The following HDAC9 variants were observed in gnomAD, a reference collection of about 807,000 sequenced individuals.
HDAC9 encodes histone deacetylase 9, also known as MEF-2 interacting transcription repressor (MITR) protein.
Under a neutral mutation model 139.4 loss-of-function variants are expected in HDAC9, and 41 were observed. The observed-to-expected ratio is 0.29, with a 90% confidence interval of 0.23 to 0.38. HDAC9 has a LOEUF of 0.38. HDAC9 is among the 10% of genes least tolerant of loss of function. The pLI, the probability that HDAC9 is intolerant of heterozygous loss-of-function variation, is 1.00. For missense variants in HDAC9, 1,147 were observed against 1,297.0 expected (o/e 0.88, Z 1.78); for synonymous variants, 517 against 476.2 (o/e 1.09, Z -1.12).
chr7:18,184,263 C>T (rs191711640), intron 2 of HDAC9, among the ~76,000 whole-genome samples: 6 of 152,092 alleles, frequency 3.9e-5, no homozygotes, highest in Non-Finnish European at 7.4e-5. Flanking sequence ...CTGAGCGTTG[C>T]GGCACATGCC....
chr7:18,874,519 T>C lies in HDAC9; in HGVS notation c.2726T>C (p.Met909Thr). ...KPVAKEFDPD[M>T]VLVSAGFDAL... ...GTGGCCAAAGAGTTTGATCCAGACA[T>C]GGTCTTAGTATCTGCTGGATTTGAT... The change falls in exon 22 of 26, where the codon ATG (methionine) becomes ACG (threonine). Residue 909 changes from methionine to threonine, a missense_variant. Coordinates refer to ENST00000686413, the MANE Select transcript of HDAC9 (RefSeq NM_178425.4). The C allele has an allele frequency of 6.3e-7, 1 of 1,594,442 alleles. No individual in the cohort carries two copies. The highest frequency in any genetic ancestry group is 8.6e-7 in the Non-Finnish European group (1 of 1,169,532).
At chr7:18,155,982 C>G (rs1012067005) in intron 1 of HDAC9, among the ~76,000 whole-genome samples, 1 of 152,174 alleles carries the variant, frequency 6.6e-6, no homozygotes, top group African/African-American at 2.4e-5. Flanking sequence ...CCAGAACCCC[C>G]AGAGTCCTAG....
At chr7:18,893,047 A>AG (rs1563029381) in intron 22 of HDAC9, among the ~76,000 whole-genome samples, 1 of 149,774 alleles carries the variant, frequency 6.7e-6, no homozygotes, top group Non-Finnish European at 1.5e-5. Flanking sequence ...AAAAAAAAAA[A>AG]AAAAAAAGAA....
chr7:18,826,750 T>A (rs1378423089), intron 17 of HDAC9, among the ~76,000 whole-genome samples: 1 of 151,730 alleles, frequency 6.6e-6, no homozygotes, highest in Non-Finnish European at 1.5e-5. Flanking sequence ...TAGAGTCAGG[T>A]TGACTTTCTT....
At chr7:18,561,325 A>G (rs1299436691) in intron 2 of HDAC9, among the ~76,000 whole-genome samples, 3 of 152,200 alleles carry the variant, frequency 2.0e-5, no homozygotes, top group East Asian at 1.9e-4. Context: ...GAATATGCCA[A>G]TTCCCCAGAG....
At chr7:18,716,254 T>C (rs982378096) in intron 12 of HDAC9, among the ~76,000 whole-genome samples, 3 of 152,244 alleles carry the variant, frequency 2.0e-5, no homozygotes, top group Non-Finnish European at 4.4e-5. Flanking sequence ...GGCTGTTATG[T>C]AATTAAAATA....
chr7:18,721,732 G>GCAAAACAAAA (rs777899148), intron 12 of HDAC9, among the ~76,000 whole-genome samples: 2 of 151,816 alleles, frequency 1.3e-5, no homozygotes, highest in East Asian at 3.9e-4. Context: ...AGAAAGCAAA[G>GCAAAACAAAA]CAAAACAAAA....
chr7:18,922,128 A>T (rs1803806400), intron 22 of HDAC9, among the ~76,000 whole-genome samples: 1 of 151,784 alleles, frequency 6.6e-6, no homozygotes, highest in South Asian at 2.1e-4. Context: ...ACCTAATGCT[A>T]AATGACGAGT....
At chr7:18,106,862 C>A (rs943972041) in intron 1 of HDAC9, among the ~76,000 whole-genome samples, 1 of 151,428 alleles carries the variant, frequency 6.6e-6, no homozygotes, top group Non-Finnish European at 1.5e-5. Context: ...TCCTGGAATC[C>A]CTTTTTATAC....
intron 21 of HDAC9, among the ~76,000 whole-genome samples, chr7:18,861,768 C>T (rs1027352945): frequency 6.6e-6 from 1 of 152,084 alleles, no homozygotes; most frequent in African/African-American, 2.4e-5. Context: ...GCTTCTTAAG[C>T]ACTAAAGCAA....
chr7:18,215,015 T>C (rs757489041), intron 2 of HDAC9, among the ~76,000 whole-genome samples: 2 of 152,166 alleles, frequency 1.3e-5, no homozygotes, highest in Non-Finnish European at 2.9e-5. Context: ...AGTACTATGG[T>C]ATGATAATGG....
At chr7:18,318,060 A>G (rs1189904900) in intron 1 of HDAC9, among the ~76,000 whole-genome samples, 1 of 152,164 alleles carries the variant, frequency 6.6e-6, no homozygotes, top group Non-Finnish European at 1.5e-5. Flanking sequence ...TGTGCTTGCC[A>G]TCAAAACAGC....
chr7:18,194,558 T>C (rs986618705), intron 2 of HDAC9, among the ~76,000 whole-genome samples: 3 of 152,204 alleles, frequency 2.0e-5, no homozygotes, highest in Admixed American at 2.0e-4. Flanking sequence ...AAGGGCCTCT[T>C]CGATTCTTAA....
At chr7:18,735,703 G>C (rs1394310840) in intron 13 of HDAC9, among the ~76,000 whole-genome samples, 1 of 152,176 alleles carries the variant, frequency 6.6e-6, no homozygotes, top group African/African-American at 2.4e-5. Flanking sequence ...GCTTAGGATT[G>C]TCTTGGCTAT....
intron 5 of HDAC9, among the ~76,000 whole-genome samples, chr7:18,592,636 A>G (rs1014503696): frequency 5.3e-5 from 8 of 152,104 alleles, no homozygotes; most frequent in Non-Finnish European, 8.8e-5. Context: ...TTATAAGGCT[A>G]TTTTATAGGT....
intron 6 of HDAC9, among the ~76,000 whole-genome samples, chr7:18,612,767 CAGAA>C (rs1423188446): frequency 6.6e-6 from 1 of 151,876 alleles, no homozygotes. Context: ...AATATTTAGT[CAGAA>C]AGAGAATGGA....
At position 18,434,642 on chromosome 7, in the gene HDAC9, G is replaced by C. The variant is rs560219358; in HGVS notation, c.-41-61620G>C. Among the ~76,000 whole-genome samples the C allele has an allele frequency of 4.6e-5, 7 of 152,276 alleles. 1 individual carries two copies. Among genetic ancestry groups the C allele is most frequent in the African/African-American group, 1.7e-4 (7 of 41,552 alleles). On this transcript the variant is annotated intron_variant, in intron 1 of 3. Coordinates refer to the HDAC9 transcript ENST00000413509. ...ATGACCAACAAGCATATGAAAAAAT[G>C]CTCAACATCACTAATCATTAGAGAA...
At chr7:18,860,607 C>A (rs746548469) in intron 21 of HDAC9, among the ~76,000 whole-genome samples, 11 of 151,946 alleles carry the variant, frequency 7.2e-5, no homozygotes, top group Non-Finnish European at 1.6e-4. Flanking sequence ...GTCTTAAACT[C>A]TTTTCCTGTC....
chr7:18,749,060 C>T lies in HDAC9; in HGVS notation c.1965C>T (p.Thr655=). ...LKHQCVCGNS[T]THPEHAGRIQ... ...ACCAGTGCGTTTGTGGCAATTCCAC[C>T]ACCCACCCTGAGCATGCTGGACGAA... Residue 655 remains threonine, a synonymous_variant, in exon 14 of 26, where the codon ACC becomes ACT. Transcript: ENST00000686413. 1 of 1,613,628 alleles carries T rather than the reference C, an allele frequency of 6.2e-7. No homozygotes were observed. Among genetic ancestry groups the T allele is most frequent in the South Asian group, 1.1e-5 (1 of 91,006 alleles).
Sources: allele counts gnomAD v4.1 joint callset (sites outside exome capture counted in the v4.1 genomes callset), GRCh38; gene constraint gnomAD v4.1.1; transcripts MANE v1.5; gene names NCBI Gene and HGNC (gene_info 2026-07-23, HGNC 2026-07-21).